Variants in SPRY3 observed in about 807,000 individuals in gnomAD.
SPRY3 encodes protein sprouty homolog 3.
SPRY3 carries 15 observed loss-of-function variants against 20.2 expected under a neutral mutation model. The observed-to-expected ratio is 0.74, with a 90% CI of 0.50 to 1.14. SPRY3 has a LOEUF of 1.14. Ranked by LOEUF, SPRY3 falls within the 50% of genes most tolerant of loss-of-function variation. The probability of loss-of-function intolerance (pLI) is 0.00; values close to 1 mark genes in which losing one functional copy is unlikely to be tolerated. For missense variants in SPRY3, 364 were observed against 363.9 expected (o/e 1.00, Z 0.00); for synonymous variants, 143 against 136.5 (o/e 1.05, Z -0.33).
intron 2 of SPRY3, chrX:155,767,674 G>A (rs936089011): frequency 2.0e-5 from 3 of 147,804 alleles, no homozygotes; most frequent in Non-Finnish European, 4.4e-5. Flanking sequence ...GGAGAAGGGG[G>A]AGGAGAAAGA....
intron 3 of SPRY3, 108 bp downstream of exon 2, chrX:155,768,244 C>CCCG (rs1556231799): frequency 3.2e-5 from 4 of 124,886 alleles, no homozygotes; most frequent in Non-Finnish European, 7.4e-5. Context: ...CGTGTGTGTG[C>CCCG]CGCGCGCTTG....
At chrX:155,731,976 AT>A (rs1379511060) in intron 2 of SPRY3, among the ~76,000 whole-genome samples, 1 of 152,028 alleles carries the variant, frequency 6.6e-6, no homozygotes, top group Non-Finnish European at 1.5e-5. Flanking sequence ...TATTTATAGC[AT>A]TCTGTTTTTA....
At position 155,649,889 on chromosome X, in the gene SPRY3, A is replaced by T. The variant is rs186130253; in HGVS notation, c.-440-6978A>T. Among the ~76,000 whole-genome samples the T allele has an allele frequency of 7.0e-3, 777 of 111,419 alleles. 5 individuals carry two copies. Among genetic ancestry groups the T allele is most frequent in the Non-Finnish European group, 0.011 (591 of 52,901 alleles). ...AAAACCCCATCGTCTCAGCCCAAAA[A>T]CTCCTTAAGCTGATAAGCAACTTCA... On this transcript the variant is annotated intron_variant, in intron 1 of 3. Coordinates refer to ENST00000675360, the Ensembl canonical transcript of SPRY3.
chrX:155,649,331 G>T (rs1454654333), intron 1 of SPRY3, among the ~76,000 whole-genome samples: 1 of 111,427 alleles, frequency 9.0e-6, no homozygotes, highest in African/African-American at 3.3e-5. Context: ...GAAAATTTCA[G>T]GCCAGTATCT....
At chrX:155,768,514 C>G (rs1318011842) in intron 3 of SPRY3, among the ~76,000 whole-genome samples, 2 of 144,988 alleles carry the variant, frequency 1.4e-5, no homozygotes, top group Non-Finnish European at 3.0e-5. Context: ...GTGCTAAGGC[C>G]AGTCTGGCTG....
intron 2 of SPRY3, among the ~76,000 whole-genome samples, chrX:155,662,943 A>G (rs2068014889): frequency 8.9e-6 from 1 of 111,737 alleles, no homozygotes; most frequent in South Asian, 3.7e-4. Flanking sequence ...CCACTACTGC[A>G]CTTCTTTTGC....
chrX:155,658,296 A>G (rs1179409329), intron 2 of SPRY3, among the ~76,000 whole-genome samples: 1 of 111,985 alleles, frequency 8.9e-6, no homozygotes, highest in Non-Finnish European at 1.9e-5. Context: ...CATTTTAACA[A>G]TATTGATTCT....
intron 2 of SPRY3, among the ~76,000 whole-genome samples, chrX:155,680,145 G>GGTGTGTGT (rs774435204): frequency 0.047 from 3,313 of 70,058 alleles, 67 homozygotes; most frequent in African/African-American, 0.073. Context: ...AAGCAATGCT[G>GGTGTGTGT]GTGTGTGTGT....
chrX:155,696,201 C>A (rs760308462), intron 2 of SPRY3, among the ~76,000 whole-genome samples: 28 of 102,462 alleles, frequency 2.7e-4, no homozygotes, highest in Non-Finnish European at 2.4e-4. Flanking sequence ...GTGTTTATTA[C>A]ATACACACAC....
At chrX:155,741,351 T>C (rs2091203536) in intron 2 of SPRY3, among the ~76,000 whole-genome samples, 1 of 152,250 alleles carries the variant, frequency 6.6e-6, no homozygotes, top group East Asian at 1.9e-4. Flanking sequence ...TATGGGATTA[T>C]GTAAAAAGAC....
At chrX:155,669,209 A>G (rs2068033072) in intron 2 of SPRY3, among the ~76,000 whole-genome samples, 1 of 111,613 alleles carries the variant, frequency 9.0e-6, no homozygotes, top group Non-Finnish European at 1.9e-5. Flanking sequence ...TATTTTCCAA[A>G]TGTATAATTA....
intron 2 of SPRY3, chrX:155,767,687 C>CGGA (rs1556228635): frequency 4.3e-5 from 3 of 70,010 alleles, no homozygotes; most frequent in Admixed American, 1.7e-4. Flanking sequence ...GAGAAAGAGG[C>CGGA]GGAGGAGGAG....
intron 2 of SPRY3, among the ~76,000 whole-genome samples, chrX:155,714,738 G>A (rs2091009990): frequency 6.6e-6 from 1 of 152,054 alleles, no homozygotes; most frequent in Non-Finnish European, 1.5e-5. Flanking sequence ...AAAAAATGTA[G>A]CAATTTACCT....
At chrX:155,675,165 A>G (rs1222211720) in intron 2 of SPRY3, among the ~76,000 whole-genome samples, 1 of 112,120 alleles carries the variant, frequency 8.9e-6, no homozygotes, top group African/African-American at 3.2e-5. Context: ...TAGATGCACT[A>G]TGTATACAGC....
At chrX:155,730,496 A>G (rs1402881587) in intron 2 of SPRY3, among the ~76,000 whole-genome samples, 1 of 152,164 alleles carries the variant, frequency 6.6e-6, no homozygotes, top group African/African-American at 2.4e-5. Flanking sequence ...TCGCTTCATT[A>G]TAAAATCCCT....
At chrX:155,717,776 G>T (rs754920973) in intron 2 of SPRY3, among the ~76,000 whole-genome samples, 43 of 152,180 alleles carry the variant, frequency 2.8e-4, no homozygotes, top group African/African-American at 9.4e-4. Flanking sequence ...ATGGTTATAA[G>T]TGCCACATTT....
At chrX:155,664,567 A>G (rs1290814441) in intron 2 of SPRY3, among the ~76,000 whole-genome samples, 1 of 110,444 alleles carries the variant, frequency 9.1e-6, no homozygotes, top group East Asian at 2.8e-4. Context: ...AGAATAAATG[A>G]TTAGTATATG....
intron 3 of SPRY3, among the ~76,000 whole-genome samples, chrX:155,771,288 T>C (rs1266942700): frequency 6.6e-6 from 1 of 152,184 alleles, no homozygotes; most frequent in Non-Finnish European, 1.5e-5. Flanking sequence ...GAGTCATTTA[T>C]ATTATGACCT....
chrX:155,758,893 C>T (rs1678872485), intron 2 of SPRY3, among the ~76,000 whole-genome samples: 2 of 152,062 alleles, frequency 1.3e-5, no homozygotes, highest in Non-Finnish European at 1.5e-5. Context: ...AAGTTTAGTA[C>T]ATTCTAGGAA....
Sources: allele counts gnomAD v4.1 joint callset (sites outside exome capture counted in the v4.1 genomes callset), GRCh38; gene constraint gnomAD v4.1.1; transcripts MANE v1.5; gene names NCBI Gene and HGNC (gene_info 2026-07-23, HGNC 2026-07-21).